Variants in SEMA3C observed in about 807,000 individuals in gnomAD.
SEMA3C encodes the protein semaphorin-3C.
SEMA3C carries 47 observed loss-of-function variants against 89.4 expected under a neutral mutation model. The observed-to-expected ratio is 0.53, with a 90% CI of 0.42 to 0.67. The LOEUF (loss-of-function observed/expected upper bound fraction) is 0.67, where lower values mean the gene tolerates loss of function less well. Among genes scored for constraint, SEMA3C ranks in the 30% least tolerant of loss-of-function variants. The pLI is 0.00. For missense variants in SEMA3C, 839 were observed against 929.1 expected, an observed-to-expected ratio of 0.90 and a Z score of 1.26; for synonymous variants, 310 against 320.2, an observed-to-expected ratio of 0.97 and a Z score of 0.34.
In SEMA3C at chr7:80,827,415, T is replaced by G. The variant is rs747463370; in HGVS notation, c.327+10A>C. 2.7e-6 allele frequency: 4 copies of G among 1,471,082 alleles called. No homozygotes were observed. Among genetic ancestry groups the G allele is most frequent in the South Asian group, 2.6e-5 (2 of 77,208 alleles). The allele number at this position is 1,471,082 out of a possible 1,614,324, so 91.1% of individuals were successfully genotyped here. ...GTGTTTTTTTTTTTTTTTTTTTTTTTAACACTTACTGTGGGATCTTTGCCA... is the reference window on the plus strand; with the variant it reads ...GTGTTTTTTTTTTTTTTTTTTTTTTGAACACTTACTGTGGGATCTTTGCCA... On this transcript the variant is annotated intron_variant, in intron 4 of 17. Transcript: ENST00000265361.
intron 2 of SEMA3C, among the ~76,000 whole-genome samples, chr7:80,870,066 G>A (rs998553297): frequency 1.6e-4 from 24 of 151,944 alleles, no homozygotes; most frequent in African/African-American, 5.8e-4. Context: ...TAATTGGTAG[G>A]GTCCACTGTC....
At chr7:80,913,706 C>T (rs1792205570) in intron 2 of SEMA3C, among the ~76,000 whole-genome samples, 2 of 152,154 alleles carry the variant, frequency 1.3e-5, no homozygotes, top group Admixed American at 6.5e-5. Context: ...ATTTAAGTAG[C>T]ACAAATGTAA....
intron 6 of SEMA3C, among the ~76,000 whole-genome samples, chr7:80,808,541 C>T (rs975128652): frequency 1.3e-5 from 2 of 152,168 alleles, no homozygotes; most frequent in African/African-American, 4.8e-5. Flanking sequence ...AAGCAATTCA[C>T]TGAATAACTT....
At position 80,758,607 on chromosome 7, in the gene SEMA3C, A is replaced by C. The variant is rs964610448; in HGVS notation, c.1486-119T>G. The stretch of plus-strand genomic sequence containing the variant: ...GGATTCATTTTGGAACCGATTAAAA[A>C]CATGAAGCAAAGCACAGAAGGGTAT... On this transcript the variant is annotated intron_variant, in intron 14 of 17. Transcript: ENST00000265361. 12 of 1,029,804 alleles carry C rather than the reference A, an allele frequency of 1.2e-5. No homozygotes were observed. The African/African-American group carries it at 1.9e-4, about 17-fold the overall frequency. 63.8% of individuals were successfully genotyped at this position (1,029,804 alleles called of 1,614,324 possible). A position where few individuals can be genotyped will look rare whatever the true frequency, so the allele number is the denominator to read the frequency against.
chr7:80,872,182 GCT>G (rs1175741269), intron 2 of SEMA3C, among the ~76,000 whole-genome samples: 2 of 151,874 alleles, frequency 1.3e-5, no homozygotes, highest in African/African-American at 4.8e-5. Flanking sequence ...ACAGAGTCTC[GCT>G]CTGTCACCCA....
At chr7:80,771,592 C>G (rs543996596) in intron 12 of SEMA3C, among the ~76,000 whole-genome samples, 1 of 152,246 alleles carries the variant, frequency 6.6e-6, no homozygotes, top group East Asian at 1.9e-4. Context: ...TAAGTGTTGG[C>G]TGCCTCATGC....
intron 13 of SEMA3C, 142 bp downstream of exon 13, chr7:80,765,013 C>T (rs76275973): frequency 0.012 from 6,261 of 528,854 alleles, 52 homozygotes; most frequent in Middle Eastern, 0.024. Context: ...CTTATTTTAT[C>T]TGGTGTTTTC....
intron 9 of SEMA3C, 129 bp from the exon 10 acceptor site, chr7:80,800,955 T>C: frequency 2.1e-6 from 1 of 470,840 alleles, no homozygotes; most frequent in East Asian, 3.7e-5. Flanking sequence ...ACCATTATGG[T>C]AATTTGGAAA....
chr7:80,892,465 T>C (rs1791637928), intron 2 of SEMA3C, among the ~76,000 whole-genome samples: 1 of 152,066 alleles, frequency 6.6e-6, no homozygotes. Flanking sequence ...TGTGTGTATA[T>C]TGTCTGTAAA....
At chr7:80,757,883 T>A (rs1162598824) in intron 15 of SEMA3C, among the ~76,000 whole-genome samples, 2 of 152,100 alleles carry the variant, frequency 1.3e-5, no homozygotes, top group African/African-American at 4.8e-5. Flanking sequence ...AGAGGATTGC[T>A]TGAACCCAGG....
rs749637352 is a variant in SEMA3C, at chr7:80,828,680, A to C, written c.169T>G (p.Leu57Val). ...CGGTCCTGATCTTCATCCATTAATA[A>C]AATCCTGTAGTCTAAAGGATGGTGG... is the stretch of plus-strand genomic sequence containing the variant. ...LSHHPLDYRILLMDEDQDRIY... is the reference protein window; with the variant it reads ...LSHHPLDYRIVLMDEDQDRIY... The change falls in exon 3 of 18, where the codon TTA (leucine) becomes GTA (valine). Residue 57 changes from leucine to valine, a missense_variant. By Grantham distance (32) the Leu-to-Val change is conservative. Coordinates refer to ENST00000265361, the MANE Select transcript of SEMA3C (RefSeq NM_006379.5). The C allele has an allele frequency of 1.1e-5, 17 of 1,612,310 alleles. No individual in the cohort carries two copies. The South Asian group carries it at 1.9e-4, about 18-fold the overall frequency.
intron 14 of SEMA3C, among the ~76,000 whole-genome samples, chr7:80,760,776 A>T (rs1232966139): frequency 6.6e-6 from 1 of 152,184 alleles, no homozygotes; most frequent in Non-Finnish European, 1.5e-5. Flanking sequence ...CTTGTTTGTG[A>T]GAAGAGCATT....
At chr7:80,846,498 G>C (rs1020797328) in intron 2 of SEMA3C, among the ~76,000 whole-genome samples, 2 of 151,974 alleles carry the variant, frequency 1.3e-5, no homozygotes, top group Admixed American at 1.3e-4. Context: ...CTAGGACTAC[G>C]GGCACACAAC....
At chr7:80,811,205 C>G (rs897817137) in intron 5 of SEMA3C, among the ~76,000 whole-genome samples, 1 of 152,118 alleles carries the variant, frequency 6.6e-6, no homozygotes, top group African/African-American at 2.4e-5. Flanking sequence ...GTGTCATTTA[C>G]TCATGACTTT....
intron 5 of SEMA3C, among the ~76,000 whole-genome samples, chr7:80,815,553 G>GAAAAAAAAAAAAA (rs1789582066): frequency 2.1e-5 from 1 of 47,784 alleles, no homozygotes; most frequent in East Asian, 1.1e-3. Context: ...CTTTAAATGG[G>GAAAAAAAAAAAAA]CAAAAAAAAA....
chr7:80,814,797 C>T (rs556047251), intron 5 of SEMA3C, among the ~76,000 whole-genome samples: 13 of 152,276 alleles, frequency 8.5e-5, no homozygotes, highest in Admixed American at 8.5e-4. Flanking sequence ...CCAAATCCAT[C>T]AACATCATCT....
chr7:80,909,472 A>C (rs973129013), intron 2 of SEMA3C, among the ~76,000 whole-genome samples: 10 of 152,194 alleles, frequency 6.6e-5, no homozygotes, highest in African/African-American at 2.4e-4. Flanking sequence ...AGTTGTACTA[A>C]GGTAGTAATT....
intron 11 of SEMA3C, among the ~76,000 whole-genome samples, chr7:80,790,610 C>G (rs1346973871): frequency 6.6e-6 from 1 of 152,176 alleles, no homozygotes; most frequent in Non-Finnish European, 1.5e-5. Context: ...GTCCGGCATA[C>G]TCCTCTCCAG....
At chr7:80,745,777 T>C (rs1354400627) in intron 17 of SEMA3C, among the ~76,000 whole-genome samples, 1 of 152,088 alleles carries the variant, frequency 6.6e-6, no homozygotes. Flanking sequence ...AATTTTATCG[T>C]TTTGTTTCAA....
Sources: allele counts gnomAD v4.1 joint callset (sites outside exome capture counted in the v4.1 genomes callset), GRCh38; gene constraint gnomAD v4.1.1; transcripts MANE v1.5; gene names NCBI Gene and HGNC (gene_info 2026-07-23, HGNC 2026-07-21).